FHOD3: variants seen among roughly 807,000 people sequenced by gnomAD.
The protein encoded by FHOD3 is FH1/FH2 domain-containing protein 3.
A neutral mutation model predicts 173.0 loss-of-function variants in FHOD3; 90 were observed. The observed-to-expected ratio is 0.52, with a 90% CI of 0.44 to 0.62. FHOD3 has a LOEUF of 0.62. FHOD3 is among the 20% of genes least tolerant of loss of function. The pLI is 0.00. For missense variants in FHOD3, 1,945 were observed against 2,034.7 expected (o/e 0.96, Z 0.85); for synonymous variants, 828 against 823.0 (o/e 1.01, Z -0.10).
rs183371451 is a variant in FHOD3 at position 36,700,003 on chromosome 18, G to A, written c.2236+6580G>A. On this transcript the variant is annotated intron_variant, in intron 17 of 28. Transcript: ENST00000590592. ...ACAGGATAGTTGCCTTTTGAGTCGC[G>A]TGCATTTCTCATTGTTTTCTCAACA... Among the ~76,000 whole-genome samples, 135 of 152,216 alleles carry A rather than the reference G, an allele frequency of 8.9e-4. 1 individual carries two copies. Among genetic ancestry groups the A allele is most frequent in the Non-Finnish European group, 1.5e-3 (103 of 68,010 alleles).
At chr18:36,759,247 T>A in intron 26 of FHOD3, 106 bp downstream of exon 26, 1 of 1,224,014 alleles carries the variant, frequency 8.2e-7, no homozygotes, top group Non-Finnish European at 1.2e-6. Flanking sequence ...TTCAGTGCTT[T>A]AAACAATGCA....
chr18:36,343,247 A>G (rs2045718046), intron 1 of FHOD3, among the ~76,000 whole-genome samples: 1 of 152,258 alleles, frequency 6.6e-6, no homozygotes, highest in Non-Finnish European at 1.5e-5. Context: ...CAAAAAGTGG[A>G]AACAATCCAA....
At chr18:36,476,695 A>G (rs1173730312) in intron 3 of FHOD3, among the ~76,000 whole-genome samples, 1 of 152,240 alleles carries the variant, frequency 6.6e-6, no homozygotes, top group African/African-American at 2.4e-5. Context: ...AAAATTAGGA[A>G]TCTGGAAGCA....
At chr18:36,405,418 T>G (rs994579194) in intron 3 of FHOD3, among the ~76,000 whole-genome samples, 5 of 152,264 alleles carry the variant, frequency 3.3e-5, no homozygotes, top group South Asian at 2.1e-4. Context: ...TCTTCTTTCC[T>G]TTCCACTTTC....
rs536930476 is a variant in FHOD3 at position 36,355,423 on chromosome 18, C to A, written c.166-116C>A. ...TACTAGCTCTTCAAGTTATGATCCA[C>A]ATTTCAGAACATTGCTTGATTTTAC... On this transcript the variant is annotated intron_variant, in intron 1 of 28. Transcript: ENST00000590592. The A allele has an allele frequency of 1.7e-5, 13 of 766,126 alleles. No homozygotes were observed. The South Asian group carries it at 2.2e-4, about 13-fold the overall frequency. 47.5% of individuals were successfully genotyped at this position (766,126 alleles called of 1,614,324 possible). A position where few individuals can be genotyped will look rare whatever the true frequency, so the allele number is the denominator to read the frequency against.
intron 8 of FHOD3, among the ~76,000 whole-genome samples, chr18:36,611,732 A>G (rs1324556277): frequency 6.6e-6 from 1 of 152,190 alleles, no homozygotes. Flanking sequence ...ACTCAAGCCA[A>G]GGAGATTATG....
chr18:36,669,284 A>T (rs939857659), intron 14 of FHOD3, among the ~76,000 whole-genome samples: 1 of 151,856 alleles, frequency 6.6e-6, no homozygotes, highest in African/African-American at 2.4e-5. Context: ...TTTAAAAAAA[A>T]TAGTATTAAT....
At chr18:36,623,640 C>CTT (rs2033877672) in intron 9 of FHOD3, among the ~76,000 whole-genome samples, 1 of 152,222 alleles carries the variant, frequency 6.6e-6, no homozygotes, top group Non-Finnish European at 1.5e-5. Context: ...TCAATTCTTG[C>CTT]CTCAAACCTC....
rs571050525 is a variant in FHOD3, at chr18:36,325,807, A to C, written c.165+27807A>C. 3.7e-4 allele frequency among the ~76,000 whole-genome samples: 57 copies of C among 152,358 alleles called. No homozygotes were observed. In the South Asian group the frequency reaches 0.011, roughly 30 times the overall value. ...AAAAGAACATTTACTTAAAGGACAG[A>C]TGTAAATTAGTGTACTGGGACACAA... On this transcript the variant is annotated intron_variant, in intron 1 of 28. Coordinates refer to ENST00000590592, the MANE Select transcript of FHOD3 (RefSeq NM_001281740.3).
intron 9 of FHOD3, 80 bp from the exon 10 acceptor site, chr18:36,625,431 A>G (rs1411620805): frequency 8.1e-7 from 1 of 1,238,838 alleles, no homozygotes; most frequent in Non-Finnish European, 1.1e-6. Context: ...TATTAGGGCA[A>G]TCCTGAAATG....
At chr18:36,687,511 T>G (rs899489893) in intron 16 of FHOD3, among the ~76,000 whole-genome samples, 1 of 152,194 alleles carries the variant, frequency 6.6e-6, no homozygotes, top group Admixed American at 6.5e-5. Context: ...TGTCACATGG[T>G]CAGCACTCCT....
intron 1 of FHOD3, among the ~76,000 whole-genome samples, chr18:36,332,554 GC>G (rs1351762588): frequency 1.3e-5 from 2 of 152,316 alleles, no homozygotes; most frequent in African/African-American, 2.4e-5. Flanking sequence ...CACAGAGGAT[GC>G]CCCCCTCTCT....
intron 9 of FHOD3, among the ~76,000 whole-genome samples, chr18:36,624,608 A>G (rs543032853): frequency 2.0e-5 from 3 of 152,272 alleles, no homozygotes; most frequent in Non-Finnish European, 4.4e-5. Context: ...GATCCAGGAC[A>G]GAGTGAGATT....
At chr18:36,568,181 A>T (rs569353551) in intron 5 of FHOD3, among the ~76,000 whole-genome samples, 60 of 110,484 alleles carry the variant, frequency 5.4e-4, no homozygotes, top group Non-Finnish European at 3.2e-4. Context: ...AAAAAAAAAA[A>T]AAATAAATTA....
At chr18:36,316,121 C>T (rs2044107322) in intron 1 of FHOD3, among the ~76,000 whole-genome samples, 2 of 147,540 alleles carry the variant, frequency 1.4e-5, no homozygotes, top group Admixed American at 6.7e-5. Context: ...CCATTGCTCT[C>T]ATTAAAAAAA....
chr18:36,446,405 G>A (rs2051476278), intron 3 of FHOD3, among the ~76,000 whole-genome samples: 1 of 141,532 alleles, frequency 7.1e-6, no homozygotes, highest in African/African-American at 2.8e-5. Flanking sequence ...CCAAGCCTCT[G>A]CGGACTTTTT....
chr18:36,640,180 A>G (rs1159803585), intron 10 of FHOD3, among the ~76,000 whole-genome samples: 1 of 152,238 alleles, frequency 6.6e-6, no homozygotes, highest in Middle Eastern at 3.2e-3. Flanking sequence ...TACAGGGACA[A>G]TAAATACTTT....
chr18:36,763,399 C>T (rs1396954958), intron 27 of FHOD3, among the ~76,000 whole-genome samples: 2 of 136,828 alleles, frequency 1.5e-5, no homozygotes, highest in Admixed American at 1.5e-4. Flanking sequence ...ATACAATATG[C>T]GTATTATACA....
At chr18:36,461,441 G>GTGTT (rs1555714614) in intron 3 of FHOD3, among the ~76,000 whole-genome samples, 3 of 146,088 alleles carry the variant, frequency 2.1e-5, no homozygotes, top group African/African-American at 7.7e-5. Flanking sequence ...AGCTCAGTCT[G>GTGTT]TTTTTTTTTG....
Sources: allele counts gnomAD v4.1 joint callset (sites outside exome capture counted in the v4.1 genomes callset), GRCh38; gene constraint gnomAD v4.1.1; transcripts MANE v1.5; gene names NCBI Gene and HGNC (gene_info 2026-07-23, HGNC 2026-07-21).